Variants in KRABD4 observed in about 807,000 individuals in gnomAD.
The protein encoded by KRABD4 is KRAB domain containing 4.
chrX:46,449,881 C>T, the KRABD4 span, among the ~76,000 whole-genome samples: 1 of 111,320 alleles, frequency 9.0e-6, no homozygotes, highest in African/African-American at 3.3e-5. Context: ...ATCCTCCCAC[C>T]CAGCCTTCAG....
At chrX:46,466,929 A>G in the KRABD4 span, among the ~76,000 whole-genome samples, 1 of 112,174 alleles carries the variant, frequency 8.9e-6, no homozygotes, top group Non-Finnish European at 1.9e-5. Flanking sequence ...CTTTCTCCTC[A>G]TCCCAGGCTT....
the KRABD4 span, chrX:46,456,054 C>T: frequency 2.8e-6 from 1 of 359,333 alleles, no homozygotes; most frequent in Non-Finnish European, 5.4e-6. Flanking sequence ...ATCTACTCTT[C>T]ACTAAGTCCA....
At chrX:46,450,467 A>G in the KRABD4 span, 4 of 1,209,209 alleles carry the variant, frequency 3.3e-6, no homozygotes, top group East Asian at 3.0e-5. Context: ...CAGGATGGCC[A>G]TGTCCCAGGT....
the KRABD4 span, among the ~76,000 whole-genome samples, chrX:46,460,599 C>T: frequency 2.0e-5 from 2 of 99,981 alleles, no homozygotes; most frequent in Non-Finnish European, 3.9e-5. Context: ...CTGTCTGAAC[C>T]CACCCAGCCC....
chrX:46,473,653 ATCT>A, the KRABD4 span: 2 of 209,758 alleles, frequency 9.5e-6, no homozygotes, highest in East Asian at 8.4e-5. Flanking sequence ...AAATCAGTGA[ATCT>A]TTTTTTTTTT....
At chrX:46,462,669 G>A in the KRABD4 span, 1 of 1,207,422 alleles carries the variant, frequency 8.3e-7, no homozygotes. Context: ...CACAGAGTAA[G>A]CCCTCCGTGT....
At chrX:46,474,486 G>C in the KRABD4 span, 1 of 111,466 alleles carries the variant, frequency 9.0e-6, no homozygotes, top group East Asian at 2.8e-4. Flanking sequence ...GAGGGGTACT[G>C]TACCTTGTCA....
At chrX:46,471,655 G>T in the KRABD4 span, among the ~76,000 whole-genome samples, 1 of 111,413 alleles carries the variant, frequency 9.0e-6, no homozygotes, top group African/African-American at 3.3e-5. Flanking sequence ...CTCTCTCCTG[G>T]CAAGTACTGA....
chrX:46,452,405 G>A, the KRABD4 span, among the ~76,000 whole-genome samples: 10 of 109,082 alleles, frequency 9.2e-5, no homozygotes, highest in Admixed American at 6.0e-4. Flanking sequence ...CCTGTGCATT[G>A]TATATGTAAC....
the KRABD4 span, chrX:46,456,305 A>G: frequency 9.3e-6 from 1 of 107,133 alleles, no homozygotes; most frequent in Non-Finnish European, 1.9e-5. Flanking sequence ...ATTATTATAT[A>G]TTTTATAAAT....
chrX:46,473,639 A>T, the KRABD4 span: 2 of 292,405 alleles, frequency 6.8e-6, no homozygotes, highest in Non-Finnish European at 1.2e-5. Context: ...CCTGCTCAGG[A>T]TGCAAATCAG....
the KRABD4 span, among the ~76,000 whole-genome samples, chrX:46,450,735 C>T: frequency 3.1e-5 from 3 of 96,467 alleles, no homozygotes; most frequent in Non-Finnish European, 4.1e-5. Flanking sequence ...GACAGTCTCA[C>T]TCTATCACCC....
chrX:46,454,096 G>T, the KRABD4 span: 1 of 143,996 alleles, frequency 6.9e-6, no homozygotes, highest in South Asian at 1.9e-4. Flanking sequence ...TGTGAATCTT[G>T]GTTCTTACTT....
the KRABD4 span, among the ~76,000 whole-genome samples, chrX:46,452,302 G>A: frequency 4.2e-5 from 4 of 96,340 alleles, no homozygotes; most frequent in Non-Finnish European, 6.2e-5. Flanking sequence ...TTTTTTTAAC[G>A]AACTTTTCAC....
At chrX:46,462,240 G>A in the KRABD4 span, among the ~76,000 whole-genome samples, 11 of 112,105 alleles carry the variant, frequency 9.8e-5, no homozygotes, top group Middle Eastern at 4.6e-3. Flanking sequence ...GGCCGGGCGC[G>A]ATGGCTCACG....
the KRABD4 span, among the ~76,000 whole-genome samples, chrX:46,463,821 A>G: frequency 5.5e-5 from 6 of 108,877 alleles, no homozygotes; most frequent in South Asian, 2.4e-3. Flanking sequence ...TTGAGTCACT[A>G]TGGACACCAA....
chrX:46,465,817 A>G, the KRABD4 span, among the ~76,000 whole-genome samples: 1 of 111,178 alleles, frequency 9.0e-6, no homozygotes, highest in Admixed American at 9.6e-5. Context: ...TGCTGAGAGG[A>G]ATTGCAAGGA....
At chrX:46,471,095 G>T in the KRABD4 span, 1 of 1,147,221 alleles carries the variant, frequency 8.7e-7, no homozygotes, top group Non-Finnish European at 1.2e-6. Flanking sequence ...GAGAGAAAGT[G>T]TTGAAGTCTC....
chrX:46,460,446 G>C, the KRABD4 span, among the ~76,000 whole-genome samples: 3 of 109,047 alleles, frequency 2.8e-5, no homozygotes, highest in Admixed American at 2.9e-4. Context: ...GGGGCAGGGG[G>C]GTGGATATTA....
Sources: gnomAD v4.1 joint callset for allele counts (sites outside exome capture counted in the v4.1 genomes callset) on GRCh38, gnomAD v4.1.1 for gene constraint, MANE v1.5 for transcripts, NCBI Gene and HGNC (gene_info 2026-07-23, HGNC 2026-07-21) for gene names.